Variants in PPP1R9A observed in about 807,000 individuals in gnomAD.
PPP1R9A encodes the protein neurabin-1.
A neutral mutation model predicts 141.9 loss-of-function variants in PPP1R9A; 59 were observed. The ratio of observed to expected loss-of-function variants is 0.42; its 90% CI spans 0.34 to 0.52. The LOEUF (loss-of-function observed/expected upper bound fraction) is 0.52, where lower values mean the gene tolerates loss of function less well. PPP1R9A is among the 20% of genes least tolerant of loss of function. The pLI, the probability that PPP1R9A is intolerant of heterozygous loss-of-function variation, is 0.10. For synonymous variants in PPP1R9A, 500 were observed against 569.7 expected (o/e 0.88, Z 1.74); for missense variants, 1,444 against 1,611.9 (o/e 0.90, Z 1.78).
intron 16 of PPP1R9A, among the ~76,000 whole-genome samples, chr7:95,281,616 T>G (rs532418163): frequency 6.6e-6 from 1 of 152,344 alleles, no homozygotes; most frequent in South Asian, 2.1e-4. Context: ...AAATGTTGCT[T>G]GGACAGGATT....
intron 2 of PPP1R9A, among the ~76,000 whole-genome samples, chr7:94,936,796 G>A (rs1327276397): frequency 6.6e-6 from 1 of 151,956 alleles, no homozygotes; most frequent in Admixed American, 6.6e-5. Context: ...TCTGTAATAT[G>A]TTTTGTTTAG....
At chr7:95,093,937 A>G (rs966055705) in intron 2 of PPP1R9A, among the ~76,000 whole-genome samples, 1 of 152,200 alleles carries the variant, frequency 6.6e-6, no homozygotes, top group South Asian at 2.1e-4. Context: ...ACAATTATTA[A>G]AGACACATTG....
intron 8 of PPP1R9A, among the ~76,000 whole-genome samples, chr7:95,244,184 CA>C (rs1381452691): frequency 6.6e-6 from 1 of 152,152 alleles, no homozygotes; most frequent in Non-Finnish European, 1.5e-5. Context: ...AGTAACACTC[CA>C]AACTTTGCGC....
chr7:95,257,514 CTT>C (rs373232800), intron 12 of PPP1R9A, among the ~76,000 whole-genome samples: 1 of 147,178 alleles, frequency 6.8e-6, no homozygotes, highest in African/African-American at 2.5e-5. Flanking sequence ...CATATGATTT[CTT>C]TTTTTTTTTA....
chr7:95,189,223 T>C (rs1291990868), intron 5 of PPP1R9A, among the ~76,000 whole-genome samples: 1 of 152,138 alleles, frequency 6.6e-6, no homozygotes, highest in Non-Finnish European at 1.5e-5. Context: ...TGCTTTTGCC[T>C]CGCAGCTCTT....
At chr7:95,131,426 A>C (rs898923493) in intron 4 of PPP1R9A, among the ~76,000 whole-genome samples, 1 of 152,152 alleles carries the variant, frequency 6.6e-6, no homozygotes, top group African/African-American at 2.4e-5. Flanking sequence ...AATCAGCAGC[A>C]TGAAAACAGA....
chr7:94,935,153 A>T (rs759209056), intron 2 of PPP1R9A, among the ~76,000 whole-genome samples: 1 of 152,248 alleles, frequency 6.6e-6, no homozygotes. Flanking sequence ...TTGTGTTTTC[A>T]TACATTGTCT....
intron 2 of PPP1R9A, among the ~76,000 whole-genome samples, chr7:95,041,124 T>A (rs182863489): frequency 6.6e-6 from 1 of 152,150 alleles, no homozygotes; most frequent in Non-Finnish European, 1.5e-5. Flanking sequence ...AACGTGAACA[T>A]TTGGGAAAGG....
chr7:95,179,909 A>G (rs2083157405), intron 5 of PPP1R9A, among the ~76,000 whole-genome samples: 1 of 152,204 alleles, frequency 6.6e-6, no homozygotes, highest in South Asian at 2.1e-4. Context: ...TCCCGTGCTC[A>G]TTGATAGGTA....
At chr7:94,935,339 T>C (rs1294221180) in intron 2 of PPP1R9A, among the ~76,000 whole-genome samples, 1 of 152,322 alleles carries the variant, frequency 6.6e-6, no homozygotes, top group Middle Eastern at 3.4e-3. Context: ...AGCCAAATGA[T>C]GACAACATGT....
At chr7:95,096,746 T>G (rs1043803938) in intron 2 of PPP1R9A, among the ~76,000 whole-genome samples, 1 of 152,208 alleles carries the variant, frequency 6.6e-6, no homozygotes, top group South Asian at 2.1e-4. Flanking sequence ...CATGTTGGCT[T>G]ACTTCCTGTC....
At chr7:94,961,255 G>A (rs1797613427) in intron 2 of PPP1R9A, among the ~76,000 whole-genome samples, 1 of 151,514 alleles carries the variant, frequency 6.6e-6, no homozygotes, top group African/African-American at 2.4e-5. Context: ...ACCTTAATGA[G>A]GGGTGGTTTA....
At chr7:95,067,777 A>G (rs995986716) in intron 2 of PPP1R9A, among the ~76,000 whole-genome samples, 17 of 152,112 alleles carry the variant, frequency 1.1e-4, no homozygotes, top group Non-Finnish European at 2.4e-4. Context: ...GCAGTGCCCA[A>G]TCAGGTGGTC....
chr7:95,215,023 C>T (rs1793002345), intron 7 of PPP1R9A, among the ~76,000 whole-genome samples: 2 of 151,558 alleles, frequency 1.3e-5, no homozygotes, highest in Admixed American at 6.6e-5. Flanking sequence ...GCACAATGTG[C>T]AGGTTTGTTA....
At chr7:95,040,761 C>T (rs1030534047) in intron 2 of PPP1R9A, among the ~76,000 whole-genome samples, 1 of 152,092 alleles carries the variant, frequency 6.6e-6, no homozygotes. Context: ...AATCTACTCT[C>T]GAATTTTAGT....
chr7:94,990,717 C>T (rs560065952), intron 2 of PPP1R9A, among the ~76,000 whole-genome samples: 2 of 151,994 alleles, frequency 1.3e-5, no homozygotes, highest in East Asian at 3.9e-4. Flanking sequence ...GCTTCCCCTT[C>T]TTAGCATCTA....
intron 2 of PPP1R9A, among the ~76,000 whole-genome samples, chr7:95,067,392 A>G (rs1813095405): frequency 6.6e-6 from 1 of 152,228 alleles, no homozygotes; most frequent in African/African-American, 2.4e-5. Context: ...ACAAACAAGC[A>G]TGAAGCTAAT....
intron 2 of PPP1R9A, among the ~76,000 whole-genome samples, chr7:95,092,101 G>C (rs991067320): frequency 1.3e-5 from 2 of 151,850 alleles, no homozygotes; most frequent in African/African-American, 2.4e-5. Flanking sequence ...CTCTCTTTAG[G>C]CATTTTTGAA....
chr7:95,132,799 C>T (rs775151288), intron 4 of PPP1R9A, among the ~76,000 whole-genome samples: 8 of 152,252 alleles, frequency 5.3e-5, no homozygotes, highest in South Asian at 2.1e-4. Flanking sequence ...CAACCTGCTT[C>T]GGTCTTGGGT....
Sources: allele counts gnomAD v4.1 joint callset (sites outside exome capture counted in the v4.1 genomes callset), GRCh38; gene constraint gnomAD v4.1.1; transcripts MANE v1.5; gene names NCBI Gene and HGNC (gene_info 2026-07-23, HGNC 2026-07-21).